Variants in PAPPA2 observed in about 807,000 individuals in gnomAD.
PAPPA2 encodes pappalysin 2, also known as pappalysin-2.
PAPPA2 carries 86 observed loss-of-function variants against 176.4 expected under a neutral mutation model. That is an observed-to-expected ratio of 0.49 (90% CI 0.41 to 0.58). PAPPA2 has a LOEUF of 0.58. PAPPA2 is among the 20% of genes least tolerant of loss of function. The probability of loss-of-function intolerance (pLI) is 0.00; values close to 1 mark genes in which losing one functional copy is unlikely to be tolerated. For missense variants in PAPPA2, 2,073 were observed against 2,256.9 expected (o/e 0.92, Z 1.65); for synonymous variants, 809 against 852.2 (o/e 0.95, Z 0.88).
chr1:176,470,869 A>T (rs201468824), intron 1 of PAPPA2, among the ~76,000 whole-genome samples: 1 of 151,176 alleles, frequency 6.6e-6, no homozygotes. Flanking sequence ...GGGTCAGTGG[A>T]TTTTTTTTTT....
chr1:176,473,282 A>G (rs1040587017), intron 1 of PAPPA2, among the ~76,000 whole-genome samples: 1 of 152,202 alleles, frequency 6.6e-6, no homozygotes, highest in African/African-American at 2.4e-5. Context: ...TTGGGATCAT[A>G]CAATATACAG....
intron 1 of PAPPA2, among the ~76,000 whole-genome samples, chr1:176,545,118 G>C (rs1650562665): frequency 1.3e-5 from 2 of 152,154 alleles, no homozygotes; most frequent in Admixed American, 1.3e-4. Context: ...CTCCTTGGAA[G>C]TCAAAGAGGT....
chr1:176,673,651 A>C (rs1402943213), intron 4 of PAPPA2, among the ~76,000 whole-genome samples: 1 of 152,194 alleles, frequency 6.6e-6, no homozygotes, highest in Non-Finnish European at 1.5e-5. Flanking sequence ...ATGTTTTCTA[A>C]CTTTATTAGA....
Position 176,710,187 on chromosome 1 carries a change from C to T in PAPPA2, c.3651+11C>T. ...GAACCTCATTCCCTAGTAAGTTAAGCCAGATGAATAGAGTCGAGCCTGCGC... is the reference window on the plus strand; with the variant it reads ...GAACCTCATTCCCTAGTAAGTTAAGTCAGATGAATAGAGTCGAGCCTGCGC... On this transcript the variant is annotated intron_variant, in intron 11 of 22. Transcript: ENST00000367662. 1 of 1,611,490 alleles carries T rather than the reference C, an allele frequency of 6.2e-7. No homozygotes were observed.
intron 21 of PAPPA2, among the ~76,000 whole-genome samples, chr1:176,812,933 C>T (rs1320098696): frequency 1.3e-5 from 2 of 152,070 alleles, no homozygotes; most frequent in African/African-American, 4.8e-5. Flanking sequence ...TAATGCTCTC[C>T]CTCCCCCAAC....
At chr1:176,666,378 T>A (rs941033728) in intron 3 of PAPPA2, among the ~76,000 whole-genome samples, 3 of 152,038 alleles carry the variant, frequency 2.0e-5, no homozygotes, top group African/African-American at 7.2e-5. Context: ...AAAGCCAGAT[T>A]ATAATGGGAT....
At chr1:176,552,745 G>C (rs545939188) in intron 1 of PAPPA2, among the ~76,000 whole-genome samples, 1 of 152,160 alleles carries the variant, frequency 6.6e-6, no homozygotes, top group African/African-American at 2.4e-5. Flanking sequence ...CTCTAGCTTC[G>C]CTGGTTTGAA....
chr1:176,548,226 A>G (rs983274627), intron 1 of PAPPA2, among the ~76,000 whole-genome samples: 4 of 152,178 alleles, frequency 2.6e-5, no homozygotes, highest in African/African-American at 4.8e-5. Flanking sequence ...AATGGAGTTA[A>G]TGAGTTGGGG....
intron 12 of PAPPA2, among the ~76,000 whole-genome samples, chr1:176,738,439 G>A (rs1051868534): frequency 3.9e-5 from 6 of 152,130 alleles, no homozygotes; most frequent in Admixed American, 6.6e-5. Flanking sequence ...AAATGAGTCT[G>A]TGGACAAGGA....
chr1:176,803,822 T>C (rs1555070), intron 21 of PAPPA2, among the ~76,000 whole-genome samples: 118,375 of 152,180 alleles, frequency 0.78, 46,509 homozygotes, highest in African/African-American at 0.9. Flanking sequence ...AGTAAATAAG[T>C]CTTTGTCTTT....
chr1:176,526,798 TGGAAG>T (rs1649522875), intron 1 of PAPPA2, among the ~76,000 whole-genome samples: 1 of 152,214 alleles, frequency 6.6e-6, no homozygotes, highest in Non-Finnish European at 1.5e-5. Flanking sequence ...GGCTTGAGGT[TGGAAG>T]AAATGAATTC....
intron 2 of PAPPA2, among the ~76,000 whole-genome samples, chr1:176,560,654 G>A (rs545611067): frequency 3.3e-5 from 5 of 152,326 alleles, no homozygotes; most frequent in Admixed American, 1.3e-4. Flanking sequence ...AGAACTGGAC[G>A]TAAGCCAAAT....
intron 3 of PAPPA2, among the ~76,000 whole-genome samples, chr1:176,611,554 G>T (rs1212443836): frequency 6.6e-6 from 1 of 152,078 alleles, no homozygotes; most frequent in African/African-American, 2.4e-5. Context: ...GTACCTTTCT[G>T]TATGATCATT....
intron 3 of PAPPA2, among the ~76,000 whole-genome samples, chr1:176,648,788 G>T (rs1477673474): frequency 1.3e-5 from 2 of 151,574 alleles, no homozygotes; most frequent in South Asian, 4.1e-4. Flanking sequence ...AATCCTACTT[G>T]ATCCATAGTA....
At chr1:176,750,097 C>A (rs529488622) in intron 14 of PAPPA2, among the ~76,000 whole-genome samples, 7 of 152,254 alleles carry the variant, frequency 4.6e-5, no homozygotes, top group African/African-American at 1.7e-4. Flanking sequence ...AGAACAATGG[C>A]ATCCTCAGAT....
chr1:176,837,321 G>A (rs918261398), intron 21 of PAPPA2, among the ~76,000 whole-genome samples: 1 of 151,996 alleles, frequency 6.6e-6, no homozygotes. Context: ...CTAAGGGCTT[G>A]ACTTTCTGGC....
At chr1:176,492,863 A>G (rs2102495809) in intron 1 of PAPPA2, among the ~76,000 whole-genome samples, 1 of 152,328 alleles carries the variant, frequency 6.6e-6, no homozygotes, top group Non-Finnish European at 1.5e-5. Flanking sequence ...AGAGAACTGA[A>G]GAACAGGTTG....
chr1:176,489,332 A>G (rs2102491019), intron 1 of PAPPA2, among the ~76,000 whole-genome samples: 1 of 152,228 alleles, frequency 6.6e-6, no homozygotes, highest in South Asian at 2.1e-4. Flanking sequence ...CCCCACTCTA[A>G]TGTATGGGAT....
At chr1:176,716,234 T>TC (rs1290870031) in intron 12 of PAPPA2, among the ~76,000 whole-genome samples, 5 of 150,042 alleles carry the variant, frequency 3.3e-5, no homozygotes, top group Non-Finnish European at 5.9e-5. Flanking sequence ...CCTCTTTCTT[T>TC]TTTTTTTTTT....
Sources: gnomAD v4.1 joint callset for allele counts (sites outside exome capture counted in the v4.1 genomes callset) on GRCh38, gnomAD v4.1.1 for gene constraint, MANE v1.5 for transcripts, NCBI Gene and HGNC (gene_info 2026-07-23, HGNC 2026-07-21) for gene names.